Variants in ADCY2 observed in about 807,000 individuals in gnomAD.
ADCY2 encodes adenylate cyclase 2.
ADCY2 carries 31 observed loss-of-function variants against 125.2 expected under a neutral mutation model. That is an observed-to-expected ratio of 0.25 (90% confidence interval 0.19 to 0.33). The LOEUF is 0.33. Ranked by LOEUF, ADCY2 falls within the 10% of genes least tolerant of loss-of-function variation. The pLI is 1.00. For synonymous variants in ADCY2, 512 were observed against 548.4 expected, an observed-to-expected ratio of 0.93 and a Z score of 0.93; for missense variants, 904 against 1,418.2, an observed-to-expected ratio of 0.64 and a Z score of 5.82.
intron 3 of ADCY2, among the ~76,000 whole-genome samples, chr5:7,574,990 G>T (rs1736200321): frequency 6.6e-6 from 1 of 152,074 alleles, no homozygotes; most frequent in Non-Finnish European, 1.5e-5. Context: ...AAGAAAACAG[G>T]TTTTAAAATG....
chr5:7,431,435 T>C (rs566771363), intron 2 of ADCY2, among the ~76,000 whole-genome samples: 1 of 152,220 alleles, frequency 6.6e-6, no homozygotes, highest in South Asian at 2.1e-4. Flanking sequence ...TTGAAAATTA[T>C]TAAACATCTG....
chr5:7,714,905 G>C (rs1741549952), intron 11 of ADCY2, among the ~76,000 whole-genome samples: 1 of 152,228 alleles, frequency 6.6e-6, no homozygotes. Flanking sequence ...GCTCAAGCAA[G>C]GTGTTGGCAT....
rs888251091 is a variant in ADCY2, at chr5:7,484,536, C to T, written c.409-36202C>T. 3.3e-5 allele frequency among the ~76,000 whole-genome samples: 5 copies of T among 152,150 alleles called. No individual in the cohort carries two copies. The East Asian group carries it at 9.6e-4, about 29-fold the overall frequency. ...CCTTCAAAGGACAATTCCACGTCTT[C>T]TCTCCTCTCTTTGTCTATTCTCATT... On this transcript the variant is annotated intron_variant, in intron 2 of 24. Transcript: ENST00000338316.
chr5:7,759,044 G>T (rs1325975174), intron 16 of ADCY2, among the ~76,000 whole-genome samples: 1 of 152,154 alleles, frequency 6.6e-6, no homozygotes, highest in Non-Finnish European at 1.5e-5. Context: ...TAGCAGCAGG[G>T]GTGGGATGGC....
In ADCY2 at chr5:7,764,293, G is replaced by A. The variant is rs146981614; in HGVS notation, c.2095-2394G>A. On this transcript the variant is annotated intron_variant, in intron 16 of 24. Transcript: ENST00000338316. The stretch of plus-strand genomic sequence containing the variant: ...GAGAATCACATATGAGTGGCCGAAT[G>A]TGCTGCCATTTTATTCCTGACATTT... Among the ~76,000 whole-genome samples, 752 of 152,312 alleles carry A rather than the reference G, an allele frequency of 4.9e-3. 7 individuals carry two copies. The highest frequency in any genetic ancestry group is 0.017 in the African/African-American group (710 of 41,560).
At chr5:7,680,642 G>C (rs182952346) in intron 4 of ADCY2, among the ~76,000 whole-genome samples, 203 of 152,278 alleles carry the variant, frequency 1.3e-3, no homozygotes, top group African/African-American at 4.5e-3. Context: ...CAATAAGCGA[G>C]TGAGAAAACA....
intron 3 of ADCY2, among the ~76,000 whole-genome samples, chr5:7,576,254 A>G (rs2126606954): frequency 6.6e-6 from 1 of 152,326 alleles, no homozygotes; most frequent in African/African-American, 2.4e-5. Flanking sequence ...GTTCTGTGCT[A>G]AATCTTCAGC....
At chr5:7,763,215 C>T (rs537323317) in intron 16 of ADCY2, among the ~76,000 whole-genome samples, 18 of 152,084 alleles carry the variant, frequency 1.2e-4, no homozygotes, top group African/African-American at 4.1e-4. Flanking sequence ...CTCTGCGTCC[C>T]GCGTAGCTGG....
At chr5:7,515,186 C>T (rs1247318253) in intron 2 of ADCY2, among the ~76,000 whole-genome samples, 1 of 152,220 alleles carries the variant, frequency 6.6e-6, no homozygotes, top group African/African-American at 2.4e-5. Flanking sequence ...ACAAGGAGCT[C>T]TTACTGCACA....
intron 2 of ADCY2, among the ~76,000 whole-genome samples, chr5:7,513,871 T>G (rs1314795997): frequency 6.6e-6 from 1 of 152,234 alleles, no homozygotes; most frequent in East Asian, 1.9e-4. Context: ...TTTTAATTGC[T>G]CTGCCTTTGG....
At chr5:7,719,335 G>C (rs1741690397) in intron 12 of ADCY2, among the ~76,000 whole-genome samples, 1 of 152,130 alleles carries the variant, frequency 6.6e-6, no homozygotes, top group African/African-American at 2.4e-5. Flanking sequence ...AGAAAAGTGT[G>C]CTGTACTCAA....
At chr5:7,430,219 CT>C (rs933090128) in intron 2 of ADCY2, among the ~76,000 whole-genome samples, 7 of 152,040 alleles carry the variant, frequency 4.6e-5, no homozygotes, top group African/African-American at 1.4e-4. Flanking sequence ...AGCTAAATAT[CT>C]TCCTATAAAG....
At chr5:7,451,595 A>G (rs564549773) in intron 2 of ADCY2, among the ~76,000 whole-genome samples, 3 of 152,352 alleles carry the variant, frequency 2.0e-5, no homozygotes, top group Admixed American at 6.5e-5. Context: ...TTAGTTGATA[A>G]GGCAGTGACA....
intron 2 of ADCY2, among the ~76,000 whole-genome samples, chr5:7,516,446 C>T (rs967613959): frequency 1.4e-4 from 22 of 152,120 alleles, no homozygotes; most frequent in African/African-American, 5.1e-4. Context: ...AAAGGACTGT[C>T]ACCACTCACA....
chr5:7,741,500 A>C (rs1742403392), intron 14 of ADCY2, among the ~76,000 whole-genome samples: 1 of 131,930 alleles, frequency 7.6e-6, no homozygotes, highest in Non-Finnish European at 1.7e-5. Flanking sequence ...ATGTAGCATC[A>C]CCACCACCAC....
At chr5:7,646,825 C>T (rs566092324) in intron 4 of ADCY2, among the ~76,000 whole-genome samples, 28 of 152,166 alleles carry the variant, frequency 1.8e-4, no homozygotes, top group Non-Finnish European at 2.9e-4. Flanking sequence ...ATATTATCAC[C>T]AGCAAGGCAT....
intron 3 of ADCY2, among the ~76,000 whole-genome samples, chr5:7,527,857 C>A (rs1734526214): frequency 6.6e-6 from 1 of 152,082 alleles, no homozygotes; most frequent in South Asian, 2.1e-4. Flanking sequence ...CATTTAGGAT[C>A]TAATCTGAGA....
chr5:7,438,663 T>C (rs991431278), intron 2 of ADCY2, among the ~76,000 whole-genome samples: 1 of 152,222 alleles, frequency 6.6e-6, no homozygotes, highest in African/African-American at 2.4e-5. Flanking sequence ...TGTGACTTAA[T>C]TTCTTTGAGC....
chr5:7,639,293 T>C (rs1738614486), intron 4 of ADCY2, among the ~76,000 whole-genome samples: 2 of 152,188 alleles, frequency 1.3e-5, no homozygotes, highest in Admixed American at 1.3e-4. Context: ...GCTTGCTCTT[T>C]CTCTCTTGCT....
Sources: gnomAD v4.1 joint callset for allele counts (sites outside exome capture counted in the v4.1 genomes callset) on GRCh38, gnomAD v4.1.1 for gene constraint, MANE v1.5 for transcripts, NCBI Gene and HGNC (gene_info 2026-07-23, HGNC 2026-07-21) for gene names.